DLGAP2: variants seen among roughly 807,000 people sequenced by gnomAD.
DLGAP2 encodes the protein disks large-associated protein 2.
A neutral mutation model predicts 100.3 loss-of-function variants in DLGAP2; 26 were observed. The ratio of observed to expected loss-of-function variants is 0.26; its 90% CI spans 0.19 to 0.36. The LOEUF (loss-of-function observed/expected upper bound fraction) is 0.36, where lower values mean the gene tolerates loss of function less well. Ranked by LOEUF, DLGAP2 falls within the 10% of genes least tolerant of loss-of-function variation. The probability of loss-of-function intolerance (pLI) is 1.00; values close to 1 mark genes in which losing one functional copy is unlikely to be tolerated. For synonymous variants in DLGAP2, 886 were observed against 630.1 expected, an observed-to-expected ratio of 1.41 and a Z score of -6.08; for missense variants, 1,858 against 1,453.2, an observed-to-expected ratio of 1.28 and a Z score of -4.53.
chr8:1,592,883 A>G (rs553689351), intron 6 of DLGAP2, among the ~76,000 whole-genome samples: 3 of 152,302 alleles, frequency 2.0e-5, no homozygotes, highest in Admixed American at 1.3e-4. Flanking sequence ...CAGTTACACT[A>G]GCATTTTAGT....
intron 12 of DLGAP2, among the ~76,000 whole-genome samples, chr8:1,685,441 T>C (rs970093246): frequency 1.3e-5 from 2 of 152,348 alleles, no homozygotes; most frequent in East Asian, 3.9e-4. Flanking sequence ...GAACGTCCAC[T>C]GCTTCCAGAC....
chr8:788,867 A>G (rs898591335), intron 1 of DLGAP2, among the ~76,000 whole-genome samples: 4 of 152,132 alleles, frequency 2.6e-5, no homozygotes, highest in African/African-American at 9.7e-5. Context: ...TTATGCTTCC[A>G]CTGCTGGTGA....
At chr8:969,542 G>GAA (rs60402271) in intron 2 of DLGAP2, among the ~76,000 whole-genome samples, 13 of 141,906 alleles carry the variant, frequency 9.2e-5, no homozygotes, top group South Asian at 4.5e-4. Flanking sequence ...GTGCCAGTTA[G>GAA]AAAAAAAAAA....
chr8:835,779 C>G (rs1335629352), intron 1 of DLGAP2, among the ~76,000 whole-genome samples: 1 of 152,166 alleles, frequency 6.6e-6, no homozygotes, highest in African/African-American at 2.4e-5. Flanking sequence ...ACAGTTAATT[C>G]AGGCTTTCCC....
At chr8:1,007,268 C>T (rs1563140672) in intron 2 of DLGAP2, among the ~76,000 whole-genome samples, 1 of 152,338 alleles carries the variant, frequency 6.6e-6, no homozygotes, top group Non-Finnish European at 1.5e-5. Context: ...CGGGTTGTCT[C>T]TGTGACTGCT....
intron 1 of DLGAP2, among the ~76,000 whole-genome samples, chr8:822,603 C>T (rs1397208492): frequency 1.3e-5 from 2 of 152,200 alleles, no homozygotes; most frequent in Non-Finnish European, 2.9e-5. Context: ...GTGCATTCAC[C>T]AAGTGTACGT....
At chr8:1,465,496 A>T (rs72507647) in intron 3 of DLGAP2, among the ~76,000 whole-genome samples, 1 of 151,978 alleles carries the variant, frequency 6.6e-6, no homozygotes, top group East Asian at 1.9e-4. Flanking sequence ...GGAAGCACCC[A>T]TGTTTGGTGG....
At chr8:1,465,828 A>C (rs1393381924) in intron 3 of DLGAP2, among the ~76,000 whole-genome samples, 1 of 152,100 alleles carries the variant, frequency 6.6e-6, no homozygotes, top group African/African-American at 2.4e-5. Flanking sequence ...CAGGGGCGTG[A>C]GGTAGGACCC....
rs150252584 is a variant in DLGAP2, at chr8:913,772, G to A, written c.73+5806G>A. ...ATACAGGTTTGCGCTAAGTCAGTAT[G>A]TGATACTATATGACCCTGAATAAGT... On this transcript the variant is annotated intron_variant, in intron 2 of 14. Coordinates refer to ENST00000637795, the MANE Select transcript of DLGAP2 (RefSeq NM_001346810.2). Among the ~76,000 whole-genome samples the A allele has an allele frequency of 2.5e-4, 38 of 152,360 alleles. 1 individual carries two copies. Among genetic ancestry groups the A allele is most frequent in the African/African-American group, 8.7e-4 (36 of 41,572 alleles).
rs151186882 is a variant in DLGAP2, at chr8:1,073,138, G to A, written c.73+165172G>A. Among the ~76,000 whole-genome samples, 730 of 152,278 alleles carry A rather than the reference G, an allele frequency of 4.8e-3. 8 individuals carry two copies. Among genetic ancestry groups the A allele is most frequent in the African/African-American group, 0.017 (696 of 41,552 alleles). On this transcript the variant is annotated intron_variant, in intron 2 of 14. Coordinates refer to ENST00000637795, the MANE Select transcript of DLGAP2 (RefSeq NM_001346810.2). ...TTATTTTGAGTTGAGGCACGATCTG[G>A]CTTCCAGGTCTGTCTTCCACCTTCT...
chr8:801,667 G>T (rs1428925866), intron 1 of DLGAP2, among the ~76,000 whole-genome samples: 1 of 152,102 alleles, frequency 6.6e-6, no homozygotes, highest in Non-Finnish European at 1.5e-5. Context: ...CCTGTGCAGC[G>T]GGCTTCCTGT....
intron 1 of DLGAP2, among the ~76,000 whole-genome samples, chr8:849,504 G>T (rs919598750): frequency 6.6e-6 from 1 of 152,178 alleles, no homozygotes. Context: ...GGTAGTGTAT[G>T]TTTAACTTTA....
intron 3 of DLGAP2, among the ~76,000 whole-genome samples, chr8:1,431,861 C>T (rs1370482198): frequency 1.3e-5 from 2 of 152,180 alleles, no homozygotes; most frequent in Non-Finnish European, 2.9e-5. Flanking sequence ...GAGAACCCTG[C>T]CGGCACCCAG....
intron 6 of DLGAP2, among the ~76,000 whole-genome samples, chr8:1,567,911 C>T (rs1802466468): frequency 6.6e-6 from 1 of 152,224 alleles, no homozygotes; most frequent in Admixed American, 6.5e-5. Context: ...GAAAGCATTC[C>T]ATGGCCTCAA....
chr8:752,757 G>T (rs1473481795), intron 1 of DLGAP2, among the ~76,000 whole-genome samples: 1 of 152,122 alleles, frequency 6.6e-6, no homozygotes, highest in Admixed American at 6.5e-5. Flanking sequence ...GCTTGTGACG[G>T]GATGCTGTGC....
At chr8:1,520,152 T>G (rs994153048) in intron 4 of DLGAP2, among the ~76,000 whole-genome samples, 3 of 152,176 alleles carry the variant, frequency 2.0e-5, no homozygotes, top group Admixed American at 1.3e-4. Context: ...AACATGTTAG[T>G]GATTATCTGA....
intron 2 of DLGAP2, among the ~76,000 whole-genome samples, chr8:1,170,798 C>T (rs201145866): frequency 0.16 from 23,439 of 146,454 alleles, 3,013 homozygotes; most frequent in African/African-American, 0.36. Context: ...GTCTTGCTAG[C>T]GGTCTATCAA....
chr8:1,483,525 GCTGTGCAAGAGGCTCAGGAAGCA>G lies in DLGAP2; in HGVS notation c.107-17840_107-17818del, dbSNP rs1423665461. Among the ~76,000 whole-genome samples the G allele has an allele frequency of 5.6e-4, 82 of 145,384 alleles. 3 individuals carry two copies. The highest frequency in any genetic ancestry group is 2.2e-3 in the African/African-American group (79 of 35,416). ...CGTGAGGACAAGGGAAGGCTGAACT[GCTGTGCAAGAGGCTCAGGAAGCA>G]GGACCTGAGGGCGTCTACACAGAGC... On this transcript the variant is annotated intron_variant, in intron 3 of 14. Coordinates refer to ENST00000637795, the MANE Select transcript of DLGAP2 (RefSeq NM_001346810.2).
At chr8:1,699,964 T>A in intron 14 of DLGAP2, among the ~76,000 whole-genome samples, 1 of 152,208 alleles carries the variant, frequency 6.6e-6, no homozygotes, top group East Asian at 1.9e-4. Context: ...AGGACAGTTA[T>A]GTGCTGAAAA....
Sources: allele counts gnomAD v4.1 joint callset (sites outside exome capture counted in the v4.1 genomes callset), GRCh38; gene constraint gnomAD v4.1.1; transcripts MANE v1.5; gene names NCBI Gene and HGNC (gene_info 2026-07-23, HGNC 2026-07-21).